PSMB7: variants seen among roughly 807,000 people sequenced by gnomAD.
PSMB7 encodes the protein proteasome subunit beta type-7.
In PSMB7, 5 loss-of-function variants were observed where a neutral mutation model predicts 28.1. The ratio of observed to expected loss-of-function variants is 0.18; its 90% CI spans 0.09 to 0.37. The LOEUF is 0.37. Ranked by LOEUF, PSMB7 falls within the 10% of genes least tolerant of loss-of-function variation. The pLI is 1.00. For missense variants in PSMB7, 275 were observed against 346.2 expected, an observed-to-expected ratio of 0.79 and a Z score of 1.63; for synonymous variants, 122 against 123.7, an observed-to-expected ratio of 0.99 and a Z score of 0.09.
chr9:124,412,225 A>G, intron 4 of PSMB7, 127 bp downstream of exon 4: 1 of 1,026,896 alleles, frequency 9.7e-7, no homozygotes, highest in Non-Finnish European at 1.4e-6. Flanking sequence ...TAATATAACA[A>G]CTGATTTCCG....
chr9:124,415,238 A>C, intron 1 of PSMB7, 126 bp downstream of exon 1: 4 of 1,053,634 alleles, frequency 3.8e-6, no homozygotes, highest in East Asian at 2.5e-5. Flanking sequence ...GAGTCACACT[A>C]GCCGCGGGCC....
At chr9:124,390,558 C>CTA (rs1431991556) in intron 5 of PSMB7, among the ~76,000 whole-genome samples, 11 of 152,028 alleles carry the variant, frequency 7.2e-5, no homozygotes, top group African/African-American at 2.7e-4. Flanking sequence ...GAGATCCATG[C>CTA]TATAGTATTT....
At chr9:124,389,144 A>T (rs1216234418) in intron 5 of PSMB7, among the ~76,000 whole-genome samples, 1 of 152,196 alleles carries the variant, frequency 6.6e-6, no homozygotes, top group Non-Finnish European at 1.5e-5. Context: ...ATATAAGACA[A>T]ACTCAAGTGT....
chr9:124,375,241 C>T (rs1830598001), intron 6 of PSMB7, among the ~76,000 whole-genome samples: 1 of 152,184 alleles, frequency 6.6e-6, no homozygotes, highest in Non-Finnish European at 1.5e-5. Flanking sequence ...TCACTGCAGC[C>T]TTGACTGCCC....
intron 4 of PSMB7, among the ~76,000 whole-genome samples, chr9:124,405,846 C>A (rs544520091): frequency 6.6e-6 from 1 of 152,222 alleles, no homozygotes; most frequent in South Asian, 2.1e-4. Context: ...CCACACCTGG[C>A]TAATTTTTGT....
At chr9:124,361,920 AT>A (rs1830468678) in intron 6 of PSMB7, among the ~76,000 whole-genome samples, 1 of 152,222 alleles carries the variant, frequency 6.6e-6, no homozygotes, top group Non-Finnish European at 1.5e-5. Flanking sequence ...CACTTAAGTG[AT>A]TTTTAGATTG....
chr9:124,382,486 G>A (rs1383751261), intron 6 of PSMB7, among the ~76,000 whole-genome samples: 1 of 152,000 alleles, frequency 6.6e-6, no homozygotes, highest in African/African-American at 2.4e-5. Context: ...GGGATTATAG[G>A]CATGAGCCGC....
chr9:124,372,608 T>A (rs1006229185), intron 6 of PSMB7, among the ~76,000 whole-genome samples: 3 of 152,204 alleles, frequency 2.0e-5, no homozygotes, highest in Non-Finnish European at 4.4e-5. Flanking sequence ...TTTCCTGAAA[T>A]TAAATGGGAG....
intron 5 of PSMB7, among the ~76,000 whole-genome samples, chr9:124,401,021 T>C (rs1448200461): frequency 2.0e-5 from 3 of 152,186 alleles, no homozygotes; most frequent in Non-Finnish European, 2.9e-5. Flanking sequence ...GGAAGAATAT[T>C]ATGTATAGCA....
chr9:124,379,480 T>C (rs1183917170), intron 6 of PSMB7, among the ~76,000 whole-genome samples: 2 of 152,078 alleles, frequency 1.3e-5, no homozygotes, highest in African/African-American at 4.8e-5. Flanking sequence ...CCACTCAAGG[T>C]AGCGTTTAGG....
intron 5 of PSMB7, among the ~76,000 whole-genome samples, chr9:124,387,256 AC>A (rs1346136967): frequency 3.9e-5 from 6 of 152,180 alleles, no homozygotes; most frequent in African/African-American, 1.4e-4. Context: ...AAACAAAAAA[AC>A]AAACAAACAA....
chr9:124,394,446 G>A (rs999123439), intron 5 of PSMB7, among the ~76,000 whole-genome samples: 1 of 152,162 alleles, frequency 6.6e-6, no homozygotes, highest in Admixed American at 6.5e-5. Flanking sequence ...TCTCTCAGTG[G>A]GGTTTAAAGC....
At chr9:124,383,120 T>C (rs924426490) in intron 6 of PSMB7, among the ~76,000 whole-genome samples, 1 of 152,190 alleles carries the variant, frequency 6.6e-6, no homozygotes, top group African/African-American at 2.4e-5. Flanking sequence ...GGGGAACTTT[T>C]TTTCTTTTCT....
In PSMB7 at chr9:124,356,661, TA is replaced by T. The variant is rs3215761; in HGVS notation, c.722+102del. On this transcript the variant is annotated intron_variant, in intron 7 of 7. Transcript: ENST00000259457. The surrounding 1 kb of genome is among the most constrained non-coding windows in gnomAD (Gnocchi z 4.4). ...TTGATTTGGGAACACTGGATGTACT[TA>T]ATGTGGAAAGAACCAGGAAAACTCC... 1.0e-5 allele frequency: 14 copies of T among 1,346,308 alleles called. No homozygotes were observed. The East Asian group carries it at 3.0e-4, about 29-fold the overall frequency. 83.4% of individuals were successfully genotyped at this position (1,346,308 alleles called of 1,614,324 possible). A position where few individuals can be genotyped will look rare whatever the true frequency, so the allele number is the denominator to read the frequency against.
intron 6 of PSMB7, among the ~76,000 whole-genome samples, chr9:124,359,674 C>T (rs1830449135): frequency 6.6e-6 from 1 of 152,214 alleles, no homozygotes; most frequent in Non-Finnish European, 1.5e-5. Flanking sequence ...CGCCCCACCA[C>T]CAAAGAGCCT....
rs1026432851 is a variant in PSMB7, at chr9:124,361,390, C to T, written c.571-4475G>A. On this transcript the variant is annotated intron_variant, in intron 6 of 7. Transcript: ENST00000259457. ...GGCACAAAGAGGTCCACGTCGGCCACGTAATGGTCACCACAGCTGTACCCG... is the reference window on the plus strand; with the variant it reads ...GGCACAAAGAGGTCCACGTCGGCCATGTAATGGTCACCACAGCTGTACCCG... Among the ~76,000 whole-genome samples the T allele has an allele frequency of 3.3e-5, 5 of 152,258 alleles. No individual in the cohort carries two copies. In the East Asian group the frequency reaches 5.8e-4, roughly 18 times the overall value.
intron 6 of PSMB7, among the ~76,000 whole-genome samples, chr9:124,375,400 C>G (rs1830599969): frequency 6.6e-6 from 1 of 152,090 alleles, no homozygotes. Flanking sequence ...CTGAACTCAA[C>G]CGATCCGCCC....
chr9:124,409,438 C>T (rs1474537455), intron 4 of PSMB7, among the ~76,000 whole-genome samples: 3 of 152,176 alleles, frequency 2.0e-5, no homozygotes, highest in Non-Finnish European at 4.4e-5. Flanking sequence ...TCCATGCTCA[C>T]AGAACAAGCA....
At chr9:124,363,870 A>G (rs1830484730) in intron 6 of PSMB7, among the ~76,000 whole-genome samples, 1 of 152,180 alleles carries the variant, frequency 6.6e-6, no homozygotes, top group Non-Finnish European at 1.5e-5. Flanking sequence ...CAGAACTCGC[A>G]GCCAGGAAGA....
Sources: allele counts gnomAD v4.1 joint callset (sites outside exome capture counted in the v4.1 genomes callset), GRCh38; gene constraint gnomAD v4.1.1; non-coding constraint Gnocchi (gnomAD v3.1); transcripts MANE v1.5; gene names NCBI Gene and HGNC (gene_info 2026-07-23, HGNC 2026-07-21).